Variants in RAB8B observed in about 807,000 individuals in gnomAD.
RAB8B encodes the protein RAB8B, member RAS oncogene family.
In RAB8B, 11 loss-of-function variants were observed where a neutral mutation model predicts 32.0. That is an observed-to-expected ratio of 0.34 (90% CI 0.22 to 0.57). The LOEUF is 0.57. RAB8B is among the 20% of genes least tolerant of loss of function. The pLI, the probability that RAB8B is intolerant of heterozygous loss-of-function variation, is 0.86. For missense variants in RAB8B, 190 were observed against 258.5 expected, an observed-to-expected ratio of 0.73 and a Z score of 1.82; for synonymous variants, 103 against 89.6, an observed-to-expected ratio of 1.15 and a Z score of -0.85.
At chr15:63,224,629 A>G (rs1174333525) in intron 1 of RAB8B, among the ~76,000 whole-genome samples, 1 of 152,222 alleles carries the variant, frequency 6.6e-6, no homozygotes, top group Non-Finnish European at 1.5e-5. Flanking sequence ...TTAATCTAGA[A>G]ATAAGGATTT....
chr15:63,244,300 G>A (rs536045978), intron 1 of RAB8B, among the ~76,000 whole-genome samples: 1 of 152,226 alleles, frequency 6.6e-6, no homozygotes, highest in Non-Finnish European at 1.5e-5. Flanking sequence ...TGTCAAATAG[G>A]CAAATTTTTT....
Position 63,265,071 on chromosome 15 carries a change from G to A in RAB8B, c.*1452G>A, listed in dbSNP as rs1425248359. 6.6e-6 allele frequency: 1 copy of A among 152,472 alleles called. No individual in the cohort carries two copies. Among genetic ancestry groups the A allele is most frequent in the Non-Finnish European group, 1.5e-5 (1 of 68,030 alleles). 9.4% of individuals were successfully genotyped at this position (152,472 alleles called of 1,614,324 possible). On this transcript the variant is annotated 3_prime_UTR_variant, in exon 8 of 8. Coordinates refer to ENST00000321437, the MANE Select transcript of RAB8B (RefSeq NM_016530.3). This position sits in a 1 kb window ranked among gnomAD's most constrained non-coding sequence, Gnocchi z 4.9. ...TAGCCTTCAGTGTCATAACACAGGG[G>A]GGATAAAACAGAGGGGATGAGGGAA...
At chr15:63,213,602 C>T (rs1019365593) in intron 1 of RAB8B, among the ~76,000 whole-genome samples, 1 of 151,838 alleles carries the variant, frequency 6.6e-6, no homozygotes, top group African/African-American at 2.4e-5. Flanking sequence ...AATATGGACA[C>T]TTAAAAAAAA....
At chr15:63,194,731 G>C (rs1473037195) in intron 1 of RAB8B, among the ~76,000 whole-genome samples, 2 of 152,158 alleles carry the variant, frequency 1.3e-5, no homozygotes, top group Non-Finnish European at 2.9e-5. Flanking sequence ...CTTAAAATCA[G>C]GGGTTAGCAC....
At chr15:63,198,346 A>G (rs956093761) in intron 1 of RAB8B, among the ~76,000 whole-genome samples, 5 of 151,990 alleles carry the variant, frequency 3.3e-5, no homozygotes, top group African/African-American at 1.2e-4. Context: ...TTTTCCTGGG[A>G]GCTCTCATCT....
At chr15:63,193,797 C>T (rs761572910) in intron 1 of RAB8B, among the ~76,000 whole-genome samples, 13 of 150,688 alleles carry the variant, frequency 8.6e-5, no homozygotes, top group Non-Finnish European at 1.5e-4. Flanking sequence ...GGCGACAGAG[C>T]AAGACTCCAT....
intron 5 of RAB8B, among the ~76,000 whole-genome samples, chr15:63,257,690 AT>A (rs1459748913): frequency 1.3e-5 from 2 of 152,114 alleles, no homozygotes; most frequent in Non-Finnish European, 2.9e-5. Context: ...AGAGTTCGCA[AT>A]TTGTCTCAAT....
intron 1 of RAB8B, among the ~76,000 whole-genome samples, chr15:63,215,499 G>A (rs2037784806): frequency 6.6e-6 from 1 of 152,060 alleles, no homozygotes; most frequent in Non-Finnish European, 1.5e-5. Flanking sequence ...TTTAGTCTTC[G>A]AAGGAACTGA....
At chr15:63,260,475 A>C (rs960280134) in intron 6 of RAB8B, among the ~76,000 whole-genome samples, 2 of 151,938 alleles carry the variant, frequency 1.3e-5, no homozygotes, top group African/African-American at 2.4e-5. Flanking sequence ...TGGAAATAGG[A>C]AAGTGTTTAT....
rs1567023526 is a variant in RAB8B at position 63,266,612 on chromosome 15, CTT to C, written c.*2995_*2996del. The C allele has an allele frequency of 1.3e-5, 2 of 152,460 alleles. No homozygotes were observed. Among genetic ancestry groups the C allele is most frequent in the African/African-American group, 4.8e-5 (2 of 41,412 alleles). 9.4% of individuals were successfully genotyped at this position (152,460 alleles called of 1,614,324 possible). A position where few individuals can be genotyped will look rare whatever the true frequency, so the allele number is the denominator to read the frequency against. ...TTAAGCATCTAACAAAATTTAGACT[CTT>C]TGTTTTGTTTTGAACTGAAGACATC... On this transcript the variant is annotated 3_prime_UTR_variant, in exon 8 of 8. Transcript: ENST00000321437.
chr15:63,263,444 G>C, intron 7 of RAB8B, 83 bp from the exon 8 acceptor site: 2 of 991,570 alleles, frequency 2.0e-6, no homozygotes, highest in Middle Eastern at 2.1e-4. Flanking sequence ...ACATGGTATG[G>C]TTAGTTATTT....
chr15:63,228,671 A>C (rs971061751), intron 1 of RAB8B, among the ~76,000 whole-genome samples: 1 of 152,246 alleles, frequency 6.6e-6, no homozygotes, highest in African/African-American at 2.4e-5. Context: ...GCAGTCCCCA[A>C]TTCACACTAG....
chr15:63,257,267 T>C (rs1239287237), intron 5 of RAB8B, among the ~76,000 whole-genome samples: 2 of 151,846 alleles, frequency 1.3e-5, no homozygotes, highest in Admixed American at 6.5e-5. Flanking sequence ...CTTTTCTTTT[T>C]TTTTTTTTTT....
At chr15:63,198,521 G>C (rs979245553) in intron 1 of RAB8B, among the ~76,000 whole-genome samples, 2 of 152,048 alleles carry the variant, frequency 1.3e-5, no homozygotes, top group African/African-American at 4.8e-5. Flanking sequence ...CTTTGCAAAA[G>C]CTCAGTTAGG....
intron 5 of RAB8B, among the ~76,000 whole-genome samples, chr15:63,257,671 G>A (rs1308805580): frequency 6.6e-6 from 1 of 152,088 alleles, no homozygotes; most frequent in African/African-American, 2.4e-5. Flanking sequence ...ACTTTTTGAG[G>A]AATATATAAG....
rs562099900 is a variant in RAB8B, at chr15:63,199,144, C to T, written c.124+9396C>T. Among the ~76,000 whole-genome samples the T allele has an allele frequency of 3.8e-4, 58 of 152,330 alleles. No homozygotes were observed. In the South Asian group the frequency reaches 8.3e-3, roughly 22 times the overall value. On this transcript the variant is annotated intron_variant, in intron 1 of 7. Coordinates refer to ENST00000321437, the MANE Select transcript of RAB8B (RefSeq NM_016530.3). ...CTTGTTTCACTGTCTGTTAGCACCT[C>T]ACCCATACCAAGATTTAGAGAGAGG... is the stretch of plus-strand genomic sequence containing the variant.
chr15:63,260,319 C>G (rs1052060972), intron 6 of RAB8B, among the ~76,000 whole-genome samples: 1 of 152,174 alleles, frequency 6.6e-6, no homozygotes, highest in African/African-American at 2.4e-5. Context: ...TCATGTCACC[C>G]TGTATGCCTG....
chr15:63,219,004 A>ATTTTT (rs71131152), intron 1 of RAB8B, among the ~76,000 whole-genome samples: 3,575 of 94,354 alleles, frequency 0.038, 769 homozygotes, highest in South Asian at 0.057. Flanking sequence ...CCAGCAGTGG[A>ATTTTT]TTTTTTTTTT....
At chr15:63,245,369 G>GA (rs2038062789) in intron 2 of RAB8B, among the ~76,000 whole-genome samples, 1 of 152,036 alleles carries the variant, frequency 6.6e-6, no homozygotes, top group Non-Finnish European at 1.5e-5. Context: ...TGAAGACTGA[G>GA]AAAAAAAATC....
Sources: allele counts gnomAD v4.1 joint callset (sites outside exome capture counted in the v4.1 genomes callset), GRCh38; gene constraint gnomAD v4.1.1; non-coding constraint Gnocchi (gnomAD v3.1); transcripts MANE v1.5; gene names NCBI Gene and HGNC (gene_info 2026-07-23, HGNC 2026-07-21).